PRKCB: variants seen among roughly 807,000 people sequenced by gnomAD.
PRKCB encodes the protein protein kinase C beta type.
Under a neutral mutation model 81.5 loss-of-function variants are expected in PRKCB, and 13 were observed. That is an observed-to-expected ratio of 0.16 (90% confidence interval 0.10 to 0.25). PRKCB has a LOEUF of 0.25. Among genes scored for constraint, PRKCB ranks in the 10% least tolerant of loss-of-function variants. PRKCB has a pLI of 1.00. For missense variants in PRKCB, 509 were observed against 875.7 expected (o/e 0.58, Z 5.29); for synonymous variants, 335 against 321.4 (o/e 1.04, Z -0.45).
intron 2 of PRKCB, among the ~76,000 whole-genome samples, chr16:23,931,950 C>G (rs1348896048): frequency 6.6e-6 from 1 of 152,134 alleles, no homozygotes. Flanking sequence ...AATTATCAAT[C>G]TCAATATCAC....
intron 3 of PRKCB, among the ~76,000 whole-genome samples, chr16:23,994,492 C>T (rs1195232820): frequency 1.3e-5 from 2 of 152,214 alleles, no homozygotes; most frequent in African/African-American, 4.8e-5. Flanking sequence ...AAGAGCAATA[C>T]TACATCCTTA....
rs751886977 is a variant in PRKCB at position 23,988,588 on chromosome 16, G to T, written c.286G>T (p.Asp96Tyr). 1.9e-6 allele frequency: 3 copies of T among 1,613,736 alleles called. No individual in the cohort carries two copies. Among genetic ancestry groups the T allele is most frequent in the Non-Finnish European group, 2.5e-6 (3 of 1,179,688 alleles). ...TGGCGCTGACAAGGGTCCAGCCTCC[G>T]ATGTAAGTAATGGGCATCGATTGCT... ...CPGADKGPAS[D>Y]DPRSKHKFKI... is the part of the protein sequence containing the mutation. Residue 96 changes from aspartate to tyrosine, a missense_variant and splice_region_variant, in exon 3 of 17, where the codon GAT (aspartate) becomes TAT (tyrosine). Around this residue, in one of 6 missense-constraint regions of PRKCB, gnomAD observed 184 missense variants for 362.9 expected, o/e 0.51. Coordinates refer to ENST00000643927, the MANE Select transcript of PRKCB (RefSeq NM_002738.7).
chr16:23,918,318 A>T (rs1032480600), intron 2 of PRKCB, among the ~76,000 whole-genome samples: 20 of 152,134 alleles, frequency 1.3e-4, no homozygotes, highest in Admixed American at 2.6e-4. Context: ...TTTTCCCTAA[A>T]TTTCAGTCAA....
At chr16:24,173,218 G>T (rs1019555940) in intron 11 of PRKCB, among the ~76,000 whole-genome samples, 1 of 152,176 alleles carries the variant, frequency 6.6e-6, no homozygotes, top group Non-Finnish European at 1.5e-5. Flanking sequence ...TTCCTCTGCT[G>T]AGTCAATTCC....
At chr16:23,936,887 G>T (rs1305338957) in intron 2 of PRKCB, among the ~76,000 whole-genome samples, 2 of 152,174 alleles carry the variant, frequency 1.3e-5, no homozygotes, top group Non-Finnish European at 2.9e-5. Flanking sequence ...CATCTGTAGA[G>T]TTCCCATAAG....
At chr16:24,169,735 C>T (rs765283019) in intron 10 of PRKCB, among the ~76,000 whole-genome samples, 4 of 152,002 alleles carry the variant, frequency 2.6e-5, no homozygotes, top group Non-Finnish European at 4.4e-5. Context: ...GTTTTTCCCC[C>T]GTGGCACTTT....
chr16:23,847,746 G>T (rs1434744864), intron 2 of PRKCB, among the ~76,000 whole-genome samples: 1 of 152,206 alleles, frequency 6.6e-6, no homozygotes, highest in African/African-American at 2.4e-5. Flanking sequence ...GAATAACATA[G>T]AACGAATATA....
chr16:24,062,204 G>A (rs976349748), intron 5 of PRKCB, among the ~76,000 whole-genome samples: 16 of 152,232 alleles, frequency 1.1e-4, no homozygotes, highest in African/African-American at 3.9e-4. Flanking sequence ...GGAGGTTCTT[G>A]TGATCTGGGC....
At chr16:24,107,424 G>A (rs1281138613) in intron 7 of PRKCB, among the ~76,000 whole-genome samples, 2 of 152,198 alleles carry the variant, frequency 1.3e-5, no homozygotes, top group Non-Finnish European at 2.9e-5. Flanking sequence ...TGGATAAAGG[G>A]AGACAGGAGT....
At chr16:24,107,683 C>T (rs540796289) in intron 7 of PRKCB, among the ~76,000 whole-genome samples, 16 of 152,336 alleles carry the variant, frequency 1.1e-4, no homozygotes, top group African/African-American at 3.1e-4. Flanking sequence ...TACTGGCCAC[C>T]GTGAACACAC....
chr16:24,104,702 CA>C (rs1966552647), intron 7 of PRKCB, among the ~76,000 whole-genome samples: 1 of 152,058 alleles, frequency 6.6e-6, no homozygotes, highest in Non-Finnish European at 1.5e-5. Flanking sequence ...TTGTCTTAGG[CA>C]GCGAGGACGG....
intron 5 of PRKCB, among the ~76,000 whole-genome samples, chr16:24,035,927 A>G (rs1161580234): frequency 2.6e-5 from 4 of 152,148 alleles, no homozygotes; most frequent in Non-Finnish European, 5.9e-5. Context: ...CTCAGATAGC[A>G]GAGAAGGGAA....
chr16:23,920,312 C>T (rs1272242052), intron 2 of PRKCB, among the ~76,000 whole-genome samples: 1 of 152,118 alleles, frequency 6.6e-6, no homozygotes, highest in Non-Finnish European at 1.5e-5. Flanking sequence ...AAATTCTATT[C>T]AAGTTGACTT....
intron 2 of PRKCB, among the ~76,000 whole-genome samples, chr16:23,869,554 C>T (rs181492734): frequency 6.6e-6 from 1 of 152,288 alleles, no homozygotes; most frequent in East Asian, 1.9e-4. Context: ...TAACTTACAT[C>T]ATATTTTCTG....
chr16:24,114,282 AT>A (rs1368404305), intron 8 of PRKCB, among the ~76,000 whole-genome samples: 1 of 149,604 alleles, frequency 6.7e-6, no homozygotes, highest in Non-Finnish European at 1.5e-5. Flanking sequence ...AAAAAAAAAA[AT>A]AAGTAGACAG....
In PRKCB at chr16:24,217,248, A is replaced by T. The variant is rs1968243131; in HGVS notation, c.*2432A>T. On this transcript the variant is annotated 3_prime_UTR_variant, in exon 17 of 17. Coordinates refer to ENST00000643927, the MANE Select transcript of PRKCB (RefSeq NM_002738.7). The stretch of plus-strand genomic sequence containing the variant: ...TCTTGCCATTATTTTTCAAAAGTTT[A>T]ATAGTTTGCAGAAATAGATACTCAA... 5.1e-6 allele frequency: 5 copies of T among 985,280 alleles called. No individual in the cohort carries two copies. The highest frequency in any genetic ancestry group is 1.1e-4 in the East Asian group (1 of 8,828). The allele number at this position is 985,280 out of a possible 1,614,324, so 61.0% of individuals were successfully genotyped here.
chr16:24,131,236 G>A (rs1966852986), intron 9 of PRKCB, among the ~76,000 whole-genome samples: 1 of 152,214 alleles, frequency 6.6e-6, no homozygotes, highest in African/African-American at 2.4e-5. Flanking sequence ...CTCTGTTGCT[G>A]TCTATGAATC....
chr16:23,896,500 AG>A (rs1180557046), intron 2 of PRKCB, among the ~76,000 whole-genome samples: 1 of 152,228 alleles, frequency 6.6e-6, no homozygotes, highest in Non-Finnish European at 1.5e-5. Flanking sequence ...GACAAATTAA[AG>A]CAGATATAAA....
At chr16:24,046,349 A>G (rs978154177) in intron 5 of PRKCB, among the ~76,000 whole-genome samples, 1 of 152,258 alleles carries the variant, frequency 6.6e-6, no homozygotes, top group Non-Finnish European at 1.5e-5. Context: ...GGCACTGCTT[A>G]CAGGCAAGGC....
Sources: allele counts gnomAD v4.1 joint callset (sites outside exome capture counted in the v4.1 genomes callset), GRCh38; gene constraint gnomAD v4.1.1; regional missense constraint gnomAD v4.1.1; transcripts MANE v1.5; gene names NCBI Gene and HGNC (gene_info 2026-07-23, HGNC 2026-07-21).